The following SGK1 variants were observed in gnomAD, a reference collection of about 807,000 sequenced individuals.
SGK1 encodes the protein serum/glucocorticoid regulated kinase 1, also known as serine/threonine-protein kinase Sgk1.
In SGK1, 26 loss-of-function variants were observed where a neutral mutation model predicts 64.2. The observed-to-expected ratio is 0.40, with a 90% CI of 0.30 to 0.56. The LOEUF is 0.56. SGK1 is among the 20% of genes least tolerant of loss of function. The pLI, the probability that SGK1 is intolerant of heterozygous loss-of-function variation, is 0.38. For missense variants in SGK1, 519 were observed against 645.6 expected (o/e 0.80, Z 2.12); for synonymous variants, 265 against 239.7 (o/e 1.11, Z -0.98).
intron 2 of SGK1, among the ~76,000 whole-genome samples, chr6:134,227,376 C>T (rs1050489329): frequency 6.6e-6 from 1 of 152,214 alleles, no homozygotes; most frequent in Non-Finnish European, 1.5e-5. Context: ...CTCAGGTGAT[C>T]CACCCGCTTG....
intron 1 of SGK1, among the ~76,000 whole-genome samples, chr6:134,294,687 A>AC (rs34520949): frequency 7.3e-5 from 11 of 151,446 alleles, no homozygotes; most frequent in East Asian, 2.0e-4. Context: ...GATGTGCACC[A>AC]CCCCCCCAAC....
intron 1 of SGK1, among the ~76,000 whole-genome samples, chr6:134,308,564 C>T (rs1376497054): frequency 4.7e-4 from 72 of 152,054 alleles, no homozygotes; most frequent in Admixed American, 4.7e-3. Flanking sequence ...AATGTTTCTT[C>T]TCTTTTTTTT....
chr6:134,182,426 G>T (rs966948900), intron 3 of SGK1, among the ~76,000 whole-genome samples: 3 of 151,530 alleles, frequency 2.0e-5, no homozygotes, highest in Admixed American at 6.6e-5. Context: ...AACCTGGAAG[G>T]CAGAGGTTGC....
At chr6:134,193,223 A>C (rs1364255943) in intron 3 of SGK1, among the ~76,000 whole-genome samples, 2 of 152,230 alleles carry the variant, frequency 1.3e-5, no homozygotes, top group African/African-American at 4.8e-5. Context: ...CACAAACTGA[A>C]AACCTAATTT....
chr6:134,175,594 T>G, intron 3 of SGK1: 1 of 1,570,724 alleles, frequency 6.4e-7, no homozygotes, highest in Non-Finnish European at 8.6e-7. Context: ...CTCGGCCCTC[T>G]TTTTGTGGCG....
intron 3 of SGK1, among the ~76,000 whole-genome samples, chr6:134,197,615 C>T (rs1294086896): frequency 2.0e-5 from 3 of 151,854 alleles, no homozygotes; most frequent in African/African-American, 7.3e-5. Context: ...CACTTGAGGT[C>T]AGGAGTTTGA....
At chr6:134,210,944 G>A (rs1775879803) in intron 2 of SGK1, among the ~76,000 whole-genome samples, 1 of 151,950 alleles carries the variant, frequency 6.6e-6, no homozygotes. Flanking sequence ...GGCCAACATG[G>A]TGAAACCCCG....
chr6:134,171,684 CCA>C lies in SGK1; in HGVS notation c.1118_1119del (p.Val373GlyfsTer11). ...AAGACAGCTCCCAGGCACCACCAGTCCACAGTCCTGTCATAAGGCTGCTTATG... is the reference window on the plus strand; with the variant it reads ...AAGACAGCTCCCAGGCACCACCAGTCCAGTCCTGTCATAAGGCTGCTTATG... ...VLHKQPYDRTVDWWCLGAVLY... is the reference protein window; with the variant it reads ...VLHKQPYDRTXDWWCLGAVLY... On this transcript the variant is annotated frameshift_variant, in exon 11 of 14. Transcript: ENST00000367858. LOFTEE classifies it high-confidence loss of function. 6.2e-7 allele frequency: 1 copy of C among 1,614,028 alleles called. No individual in the cohort carries two copies. Among genetic ancestry groups the C allele is most frequent in the Non-Finnish European group, 8.5e-7 (1 of 1,179,914 alleles).
intron 1 of SGK1, among the ~76,000 whole-genome samples, chr6:134,291,996 G>T (rs534592735): frequency 6.6e-6 from 1 of 151,424 alleles, no homozygotes; most frequent in African/African-American, 2.4e-5. Flanking sequence ...CCAGGAGGCG[G>T]AGGTTACAGT....
chr6:134,285,224 C>T (rs767844471), intron 1 of SGK1, among the ~76,000 whole-genome samples: 3 of 151,940 alleles, frequency 2.0e-5, no homozygotes, highest in African/African-American at 7.3e-5. Context: ...TTTGGGAGGC[C>T]GAGGTGGGCA....
intron 2 of SGK1, among the ~76,000 whole-genome samples, chr6:134,249,086 CAGA>C (rs1776567957): frequency 1.3e-5 from 2 of 152,050 alleles, no homozygotes; most frequent in South Asian, 2.1e-4. Context: ...GTCTTTTTTG[CAGA>C]AGAAGAATCA....
chr6:134,219,753 T>C (rs1582720523), intron 2 of SGK1, among the ~76,000 whole-genome samples: 2 of 102,272 alleles, frequency 2.0e-5, no homozygotes, highest in Non-Finnish European at 3.9e-5. Flanking sequence ...AGATCGAAAC[T>C]CTGTCTCAAA....
chr6:134,304,390 G>A (rs1365975428), intron 1 of SGK1, among the ~76,000 whole-genome samples: 3 of 152,144 alleles, frequency 2.0e-5, no homozygotes, highest in South Asian at 2.1e-4. Context: ...GGATGCTCAC[G>A]CCTGCAATCC....
rs1311897493 is a variant in SGK1 at position 134,174,239 on chromosome 6, C to T, written c.438-159G>A. On this transcript the variant is annotated intron_variant, in intron 4 of 13. Transcript: ENST00000367858. ...TTAGTCAGTTAAAGAAAATAATAAA[C>T]CCCATTAAATACAGAAATAAGGATT... 18 of 613,946 alleles carry T rather than the reference C, an allele frequency of 2.9e-5. No individual in the cohort carries two copies. In the East Asian group the frequency reaches 4.5e-4, roughly 15 times the overall value. The allele number at this position is 613,946 out of a possible 1,614,324, so 38.0% of individuals were successfully genotyped here.
chr6:134,259,609 A>C (rs1020776856), intron 2 of SGK1, among the ~76,000 whole-genome samples: 1 of 152,032 alleles, frequency 6.6e-6, no homozygotes, highest in Non-Finnish European at 1.5e-5. Context: ...TCGTCACTGC[A>C]CTCCAACCTG....
chr6:134,247,589 T>A (rs1776543162), intron 2 of SGK1, among the ~76,000 whole-genome samples: 1 of 152,118 alleles, frequency 6.6e-6, no homozygotes, highest in African/African-American at 2.4e-5. Context: ...ACTGAAAGAT[T>A]AATTTTGGTG....
chr6:134,193,674 TCTCA>T, intron 3 of SGK1, among the ~76,000 whole-genome samples: 2 of 149,336 alleles, frequency 1.3e-5, no homozygotes. Flanking sequence ...AGTGAGATCT[TCTCA>T]CTCAGTCACC....
At chr6:134,194,617 G>C (rs1374672150) in intron 3 of SGK1, among the ~76,000 whole-genome samples, 1 of 151,846 alleles carries the variant, frequency 6.6e-6, no homozygotes, top group Non-Finnish European at 1.5e-5. Flanking sequence ...CGCCTCCCGG[G>C]TTCAAGTGAT....
chr6:134,174,163 C>A (rs1398504844), intron 4 of SGK1, 83 bp from the exon 5 acceptor site: 1 of 916,810 alleles, frequency 1.1e-6, no homozygotes, highest in East Asian at 2.4e-5. Flanking sequence ...TCTGGCTCTA[C>A]CGACTTCTAC....
Sources: gnomAD v4.1 joint callset for allele counts (sites outside exome capture counted in the v4.1 genomes callset) on GRCh38, gnomAD v4.1.1 for gene constraint, MANE v1.5 for transcripts, NCBI Gene and HGNC (gene_info 2026-07-23, HGNC 2026-07-21) for gene names.